The following SLC24A2 variants were observed in gnomAD, a reference collection of about 807,000 sequenced individuals.
SLC24A2 encodes the protein sodium/potassium/calcium exchanger 2.
Under a neutral mutation model 62.0 loss-of-function variants are expected in SLC24A2, and 36 were observed. The ratio of observed to expected loss-of-function variants is 0.58; its 90% CI spans 0.44 to 0.77. The LOEUF is 0.77. Among genes scored for constraint, SLC24A2 ranks in the 30% least tolerant of loss-of-function variants. SLC24A2 has a pLI of 0.00. For synonymous variants in SLC24A2, 358 were observed against 294.0 expected (o/e 1.22, Z -2.23); for missense variants, 846 against 817.9 (o/e 1.03, Z -0.42).
chr9:19,519,174 C>T lies in SLC24A2; in HGVS notation c.1736+1720G>A, dbSNP rs541761832. 1.5e-4 allele frequency among the ~76,000 whole-genome samples: 23 copies of T among 152,198 alleles called. 2 individuals are homozygous for T. The South Asian group carries it at 3.1e-3, about 21-fold the overall frequency. On this transcript the variant is annotated intron_variant, in intron 10 of 10. Coordinates refer to ENST00000341998, the MANE Select transcript of SLC24A2 (RefSeq NM_020344.4). ...TGATTTACTAATTTATTCATAGATG[C>T]CTCTCTATGCCAGGCATAGATTGCT...
intron 4 of SLC24A2, among the ~76,000 whole-genome samples, chr9:19,615,056 C>T (rs779045687): frequency 1.3e-5 from 2 of 152,166 alleles, no homozygotes; most frequent in Non-Finnish European, 2.9e-5. Flanking sequence ...GCAAACACTG[C>T]TGGACTCTTG....
At chr9:20,140,287 A>G in the SLC24A2 span, among the ~76,000 whole-genome samples, 1 of 152,130 alleles carries the variant, frequency 6.6e-6, no homozygotes, top group Non-Finnish European at 1.5e-5. Context: ...ACACAGAGAG[A>G]GTGGAATGCA....
the SLC24A2 span, among the ~76,000 whole-genome samples, chr9:20,062,814 A>G: frequency 3.8e-5 from 5 of 130,636 alleles, no homozygotes; most frequent in African/African-American, 1.2e-4. Context: ...AAACAACCCC[A>G]TCAAAAAGTG....
At chr9:19,523,005 G>C (rs1402112370) in intron 9 of SLC24A2, among the ~76,000 whole-genome samples, 3 of 152,132 alleles carry the variant, frequency 2.0e-5, no homozygotes, top group African/African-American at 7.2e-5. Context: ...AATTCTTGGA[G>C]GGAATTCTAA....
the SLC24A2 span, among the ~76,000 whole-genome samples, chr9:20,088,387 G>C: frequency 6.6e-6 from 1 of 152,202 alleles, no homozygotes; most frequent in Non-Finnish European, 1.5e-5. Context: ...GAGGCAACTA[G>C]GGACTGGAGC....
intron 10 of SLC24A2, among the ~76,000 whole-genome samples, chr9:19,520,289 G>A (rs1233182471): frequency 1.3e-5 from 2 of 152,180 alleles, no homozygotes; most frequent in Non-Finnish European, 2.9e-5. Context: ...AAATGGTGGA[G>A]ATCGCAGCAC....
the SLC24A2 span, among the ~76,000 whole-genome samples, chr9:20,010,739 C>T: frequency 1.3e-5 from 2 of 150,774 alleles, no homozygotes; most frequent in Non-Finnish European, 3.0e-5. Context: ...AGGTATATCT[C>T]CTAACGCTAT....
chr9:19,905,002 G>C, the SLC24A2 span, among the ~76,000 whole-genome samples: 1 of 152,134 alleles, frequency 6.6e-6, no homozygotes, highest in East Asian at 1.9e-4. Context: ...GGGTCTCAAA[G>C]TATAATATAT....
At chr9:19,933,464 T>TTCCA in the SLC24A2 span, among the ~76,000 whole-genome samples, 1 of 151,628 alleles carries the variant, frequency 6.6e-6, no homozygotes, top group Non-Finnish European at 1.5e-5. Context: ...TGATTCTTAG[T>TTCCA]TCCATTCATT....
chr9:20,276,888 G>A, the SLC24A2 span, among the ~76,000 whole-genome samples: 15 of 152,274 alleles, frequency 9.9e-5, no homozygotes, highest in Admixed American at 2.6e-4. Context: ...GCCACTGCTG[G>A]GACACAGGGC....
At chr9:19,972,487 A>G in the SLC24A2 span, among the ~76,000 whole-genome samples, 1 of 152,168 alleles carries the variant, frequency 6.6e-6, no homozygotes, top group Non-Finnish European at 1.5e-5. Flanking sequence ...CCTTTCAAAG[A>G]AGAAAGGGAC....
the SLC24A2 span, among the ~76,000 whole-genome samples, chr9:20,139,968 T>G: frequency 6.6e-6 from 1 of 152,242 alleles, no homozygotes; most frequent in African/African-American, 2.4e-5. Flanking sequence ...TGAATGAGAC[T>G]ATGCGGTGCG....
intron 7 of SLC24A2, among the ~76,000 whole-genome samples, chr9:19,571,358 C>A (rs549166046): frequency 6.6e-6 from 1 of 152,090 alleles, no homozygotes; most frequent in African/African-American, 2.4e-5. Context: ...GAAAGAAATA[C>A]GTAATTTCTA....
At chr9:19,829,806 T>C in the SLC24A2 span, among the ~76,000 whole-genome samples, 5 of 111,694 alleles carry the variant, frequency 4.5e-5, no homozygotes, top group South Asian at 3.0e-4. Context: ...TGTATATATA[T>C]ATATACACAC....
chr9:20,248,989 G>C, the SLC24A2 span, among the ~76,000 whole-genome samples: 1 of 152,180 alleles, frequency 6.6e-6, no homozygotes, highest in African/African-American at 2.4e-5. Context: ...AGGCCAGGGA[G>C]CCCAGTGGAC....
chr9:19,739,320 C>T (rs1821604595), intron 2 of SLC24A2, among the ~76,000 whole-genome samples: 1 of 152,164 alleles, frequency 6.6e-6, no homozygotes, highest in Non-Finnish European at 1.5e-5. Flanking sequence ...AAAATTCTAT[C>T]AGGTAATTTG....
the SLC24A2 span, among the ~76,000 whole-genome samples, chr9:20,258,233 C>A: frequency 6.6e-6 from 1 of 152,276 alleles, no homozygotes; most frequent in South Asian, 2.1e-4. Context: ...TTAACTTGAC[C>A]AGATTAAGGG....
the SLC24A2 span, among the ~76,000 whole-genome samples, chr9:19,878,706 T>C: frequency 6.6e-6 from 1 of 152,130 alleles, no homozygotes; most frequent in Non-Finnish European, 1.5e-5. Context: ...ACCTGCTTGT[T>C]TCCCCTTTGC....
chr9:20,105,789 C>A, the SLC24A2 span, among the ~76,000 whole-genome samples: 1 of 151,920 alleles, frequency 6.6e-6, no homozygotes, highest in Non-Finnish European at 1.5e-5. Context: ...ATTAAAAGAA[C>A]TAAAAAGCAA....
Sources: allele counts gnomAD v4.1 joint callset (sites outside exome capture counted in the v4.1 genomes callset), GRCh38; gene constraint gnomAD v4.1.1; transcripts MANE v1.5; gene names NCBI Gene and HGNC (gene_info 2026-07-23, HGNC 2026-07-21).